ADAMTS17: variants seen among roughly 807,000 people sequenced by gnomAD.
ADAMTS17 encodes the protein A disintegrin and metalloproteinase with thrombospondin motifs 17.
ADAMTS17 carries 113 observed loss-of-function variants against 141.5 expected under a neutral mutation model. That is an observed-to-expected ratio of 0.80 (90% CI 0.69 to 0.93). The LOEUF is 0.93. Among genes scored for constraint, ADAMTS17 ranks in the 40% least tolerant of loss-of-function variants. The pLI is 0.00. For synonymous variants in ADAMTS17, 768 were observed against 630.6 expected (o/e 1.22, Z -3.27); for missense variants, 1,659 against 1,517.9 (o/e 1.09, Z -1.54).
In ADAMTS17 at chr15:100,109,160, C is replaced by T. The variant is rs75434552; in HGVS notation, c.1889-44G>A. On this transcript the variant is annotated intron_variant, in intron 13 of 21. Transcript: ENST00000268070. ...GAGGACGTTGACACGGGAAGGTGTGCGTGGGCCATGCAGGGCACAGGTACA... is the reference window on the plus strand; with the variant it reads ...GAGGACGTTGACACGGGAAGGTGTGTGTGGGCCATGCAGGGCACAGGTACA... The T allele has an allele frequency of 0.013, 20,095 of 1,572,098 alleles. 475 individuals are homozygous for T. Among genetic ancestry groups the T allele is most frequent in the South Asian group, 0.09 (7,781 of 86,658 alleles).
At chr15:100,181,739 G>A (rs141189223) in intron 8 of ADAMTS17, among the ~76,000 whole-genome samples, 31 of 152,374 alleles carry the variant, frequency 2.0e-4, no homozygotes, top group African/African-American at 7.5e-4. Context: ...TGAAGGAGGA[G>A]GAAGGAGTTA....
intron 8 of ADAMTS17, among the ~76,000 whole-genome samples, chr15:100,190,707 TGGAAGAA>T (rs1368157911): frequency 3.9e-5 from 6 of 152,188 alleles, no homozygotes; most frequent in Non-Finnish European, 5.9e-5. Context: ...ACCAAACACC[TGGAAGAA>T]TGGGGACACT....
intron 18 of ADAMTS17, among the ~76,000 whole-genome samples, chr15:100,012,152 A>C (rs2061197938): frequency 6.6e-6 from 1 of 152,180 alleles, no homozygotes; most frequent in South Asian, 2.1e-4. Flanking sequence ...AGTGATGCTG[A>C]GCATTGTTTT....
At chr15:100,309,803 G>C (rs1465967815) in intron 3 of ADAMTS17, among the ~76,000 whole-genome samples, 3 of 152,198 alleles carry the variant, frequency 2.0e-5, no homozygotes, top group Non-Finnish European at 4.4e-5. Flanking sequence ...CTGGGGGTCT[G>C]TGTGGCCAAG....
At chr15:100,282,284 G>A (rs937764444) in intron 3 of ADAMTS17, among the ~76,000 whole-genome samples, 1 of 152,136 alleles carries the variant, frequency 6.6e-6, no homozygotes, top group Non-Finnish European at 1.5e-5. Context: ...GCTACACACA[G>A]TCTACATATG....
intron 7 of ADAMTS17, among the ~76,000 whole-genome samples, chr15:100,252,910 C>A (rs2043197674): frequency 6.6e-6 from 1 of 152,010 alleles, no homozygotes; most frequent in African/African-American, 2.4e-5. Flanking sequence ...GTCACCTAAC[C>A]CAAAGTGATC....
chr15:100,272,265 T>C (rs190947070), intron 4 of ADAMTS17, among the ~76,000 whole-genome samples: 1 of 152,292 alleles, frequency 6.6e-6, no homozygotes, highest in East Asian at 1.9e-4. Flanking sequence ...TTGATAGAAA[T>C]TGCATTGAAT....
chr15:100,011,730 G>A (rs574090176), intron 18 of ADAMTS17, among the ~76,000 whole-genome samples: 7 of 152,138 alleles, frequency 4.6e-5, no homozygotes, highest in East Asian at 1.9e-4. Context: ...CCATTAATTC[G>A]TTCTTGTTTA....
chr15:100,116,147 A>AAAAAAAAAAC (rs1567201002), intron 13 of ADAMTS17, among the ~76,000 whole-genome samples: 2 of 146,580 alleles, frequency 1.4e-5, no homozygotes, highest in Admixed American at 1.4e-4. Context: ...AAAAAAAAAA[A>AAAAAAAAAAC]AAAAAAAAAA....
intron 12 of ADAMTS17, among the ~76,000 whole-genome samples, chr15:100,123,714 G>A (rs1351264837): frequency 1.3e-5 from 2 of 152,206 alleles, no homozygotes; most frequent in Admixed American, 6.5e-5. Flanking sequence ...TTTGGGTGAG[G>A]AAATCAACGC....
At chr15:100,273,640 T>C (rs1403301380) in intron 4 of ADAMTS17, among the ~76,000 whole-genome samples, 2 of 152,190 alleles carry the variant, frequency 1.3e-5, no homozygotes, top group Non-Finnish European at 2.9e-5. Flanking sequence ...AAGAACTAAC[T>C]CTTGGTTTCA....
chr15:100,269,273 A>G (rs1047826433), intron 4 of ADAMTS17, among the ~76,000 whole-genome samples: 2 of 152,220 alleles, frequency 1.3e-5, no homozygotes, highest in Non-Finnish European at 2.9e-5. Context: ...AAAAATTGAC[A>G]AGTGAGATCT....
intron 20 of ADAMTS17, among the ~76,000 whole-genome samples, chr15:99,983,328 G>A (rs2060519467): frequency 6.6e-6 from 1 of 152,084 alleles, no homozygotes; most frequent in Non-Finnish European, 1.5e-5. Flanking sequence ...ACCTTTCAGA[G>A]AGGCAGAATG....
chr15:100,326,064 C>G (rs2045891508), intron 3 of ADAMTS17, among the ~76,000 whole-genome samples: 1 of 152,186 alleles, frequency 6.6e-6, no homozygotes, highest in Non-Finnish European at 1.5e-5. Context: ...CACAGAAGCA[C>G]AGAGACATCA....
At chr15:100,293,846 G>A (rs114017088) in intron 3 of ADAMTS17, among the ~76,000 whole-genome samples, 1 of 152,184 alleles carries the variant, frequency 6.6e-6, no homozygotes, top group African/African-American at 2.4e-5. Flanking sequence ...AAAACTCTTT[G>A]AAATTCCTAA....
intron 14 of ADAMTS17, among the ~76,000 whole-genome samples, chr15:100,106,772 G>A (rs998542110): frequency 2.6e-5 from 4 of 152,224 alleles, no homozygotes; most frequent in African/African-American, 4.8e-5. Flanking sequence ...TGTAATTTGG[G>A]TCGGACACCA....
intron 8 of ADAMTS17, among the ~76,000 whole-genome samples, chr15:100,171,573 G>A (rs935149311): frequency 9.2e-5 from 14 of 152,220 alleles, no homozygotes; most frequent in East Asian, 3.9e-4. Context: ...GTCCTCTGGC[G>A]GGCCCAGCTT....
chr15:100,332,978 C>A (rs1469954845), intron 2 of ADAMTS17, among the ~76,000 whole-genome samples: 2 of 152,316 alleles, frequency 1.3e-5, no homozygotes, highest in East Asian at 3.9e-4. Context: ...CTCACTGTCT[C>A]ACTGTCCCCA....
Position 99,996,729 on chromosome 15 carries a change from C to T in ADAMTS17, c.2796+656G>A, listed in dbSNP as rs140804058. ...GAGCGTCTCTGAGTTTTCTAGACTA[C>T]GCTGGTGGAAGACCTGAGGGAAGCC... is the stretch of plus-strand genomic sequence containing the variant. On this transcript the variant is annotated intron_variant, in intron 19 of 21. Transcript: ENST00000268070. Among the ~76,000 whole-genome samples the T allele has an allele frequency of 1.1e-3, 165 of 152,054 alleles. 1 individual carries two copies. Among genetic ancestry groups the T allele is most frequent in the Middle Eastern group, 3.4e-3 (1 of 292 alleles).
Sources: gnomAD v4.1 joint callset for allele counts (sites outside exome capture counted in the v4.1 genomes callset) on GRCh38, gnomAD v4.1.1 for gene constraint, MANE v1.5 for transcripts, NCBI Gene and HGNC (gene_info 2026-07-23, HGNC 2026-07-21) for gene names.